The following TEX101 variants were observed in gnomAD, a reference collection of about 807,000 sequenced individuals.
TEX101 encodes testis-expressed protein 101.
A neutral mutation model predicts 18.1 loss-of-function variants in TEX101; 10 were observed. The ratio of observed to expected loss-of-function variants is 0.55; its 90% CI spans 0.34 to 0.94. TEX101 has a LOEUF of 0.94. Ranked by LOEUF, TEX101 falls within the 40% of genes least tolerant of loss-of-function variation. The pLI, the probability that TEX101 is intolerant of heterozygous loss-of-function variation, is 0.02. For synonymous variants in TEX101, 94 were observed against 114.8 expected, an observed-to-expected ratio of 0.82 and a Z score of 1.16; for missense variants, 259 against 298.9, an observed-to-expected ratio of 0.87 and a Z score of 0.98.
chr19:43,395,257 T>G, the TEX101 span, among the ~76,000 whole-genome samples: 2 of 152,282 alleles, frequency 1.3e-5, no homozygotes, highest in East Asian at 1.9e-4. Context: ...AAAAGGAAAT[T>G]TATGCTCTCT....
intron 2 of TEX101, chr19:43,406,124 G>GT (rs1178940830): frequency 5.7e-6 from 1 of 175,126 alleles, no homozygotes; most frequent in Non-Finnish European, 1.1e-5. Context: ...GCTCACGCCT[G>GT]TAATCCTAGC....
At chr19:43,394,750 G>A in the TEX101 span, among the ~76,000 whole-genome samples, 32 of 152,312 alleles carry the variant, frequency 2.1e-4, no homozygotes, top group African/African-American at 7.0e-4. Context: ...GATTACAGGC[G>A]TGAGCCACTG....
At chr19:43,405,652 C>T (rs1487251607) in intron 2 of TEX101, among the ~76,000 whole-genome samples, 4 of 149,976 alleles carry the variant, frequency 2.7e-5, no homozygotes, top group Admixed American at 6.7e-5. Flanking sequence ...AGGTTGGGTG[C>T]GGTGACTCAC....
chr19:43,411,673 C>G (rs1970420708), upstream of TEX101, among the ~76,000 whole-genome samples: 1 of 151,446 alleles, frequency 6.6e-6, no homozygotes, highest in South Asian at 2.1e-4. Flanking sequence ...AGACCAAGAC[C>G]AAGTTTTGCT....
the TEX101 span, among the ~76,000 whole-genome samples, chr19:43,393,140 A>G: frequency 2.2e-5 from 3 of 136,988 alleles, no homozygotes; most frequent in African/African-American, 8.5e-5. Flanking sequence ...ACCCATTGGT[A>G]GAGAGACAAA....
chr19:43,402,583 A>C (rs573621281), intron 1 of TEX101, among the ~76,000 whole-genome samples: 1 of 150,044 alleles, frequency 6.7e-6, no homozygotes, highest in South Asian at 2.1e-4. Flanking sequence ...ACTAAATCTG[A>C]CTTTTTTTTT....
chr19:43,397,411 A>T (rs1438718089), upstream of TEX101, among the ~76,000 whole-genome samples: 3 of 151,966 alleles, frequency 2.0e-5, no homozygotes, highest in African/African-American at 7.3e-5. Flanking sequence ...CAATGCCACC[A>T]TCCATGACCT....
chr19:43,409,694 G>T (rs1230064955), intron 3 of TEX101, among the ~76,000 whole-genome samples: 1 of 151,994 alleles, frequency 6.6e-6, no homozygotes, highest in African/African-American at 2.4e-5. Flanking sequence ...GCTTGAACCT[G>T]GGAGGCGAAG....
intron 3 of TEX101, among the ~76,000 whole-genome samples, chr19:43,406,866 C>G (rs1970368618): frequency 6.6e-6 from 1 of 151,756 alleles, no homozygotes. Flanking sequence ...ACAGGGATAA[C>G]TGATTTGCAG....
At position 43,417,884 on chromosome 19, in the gene TEX101, C is replaced by T; in HGVS notation, c.398C>T (p.Thr133Ile). 2 of 1,614,122 alleles carry T rather than the reference C, an allele frequency of 1.2e-6. No homozygotes were observed. The highest frequency in any genetic ancestry group is 1.3e-5 in the African/African-American group (1 of 75,062). Reference sequence around the variant, plus strand: ...CTCTCTCATTTCCCTCCAGCTTCCACTGTGTCAACAACCCTCCATTGTCCA... The same window carrying T: ...CTCTCTCATTTCCCTCCAGCTTCCATTGTGTCAACAACCCTCCATTGTCCA... Reference protein sequence around the residue: ...FWEFSETTASTVSTTLHCPTC... With the variant: ...FWEFSETTASIVSTTLHCPTC... The change falls in exon 5 of 6, where the codon ACT becomes ATT. Residue 133 changes from threonine (T) to isoleucine (I), a missense_variant. Transcript: ENST00000598265.
At chr19:43,395,774 ATTTCAT>A in the TEX101 span, among the ~76,000 whole-genome samples, 1 of 152,228 alleles carries the variant, frequency 6.6e-6, no homozygotes, top group Non-Finnish European at 1.5e-5. Context: ...GCCGTTGTGC[ATTTCAT>A]GCTGGGGAAA....
At chr19:43,415,731 G>C (rs2122347914) in intron 1 of TEX101, 150 bp from the exon 2 acceptor site, 1 of 678,088 alleles carries the variant, frequency 1.5e-6, no homozygotes, top group East Asian at 2.6e-5. Context: ...CTGCACTCCA[G>C]CCTGGGCGAC....
chr19:43,415,804 G>T, intron 1 of TEX101, 77 bp from the exon 2 acceptor site: 2 of 1,293,164 alleles, frequency 1.5e-6, no homozygotes, highest in Non-Finnish European at 1.1e-6. Flanking sequence ...CCTGAAGTCA[G>T]TACTTGCCAG....
At chr19:43,410,809 T>C (rs1599900817), upstream of TEX101, among the ~76,000 whole-genome samples, 1 of 150,650 alleles carries the variant, frequency 6.6e-6, no homozygotes, top group Non-Finnish European at 1.5e-5. Flanking sequence ...CACACAAACA[T>C]GCATGCACTC....
chr19:43,390,449 TC>T, the TEX101 span, among the ~76,000 whole-genome samples: 22 of 124,810 alleles, frequency 1.8e-4, no homozygotes, highest in African/African-American at 6.7e-4. Context: ...TCTTTTCTTT[TC>T]TTTTTTTTTC....
rs201353716 is a variant in TEX101 at position 43,415,988 on chromosome 19, G to C, written c.64+5G>C. ...TAGGAGCCTCCCTCCTGACCTGTGCGTATGGGGGACATAGGGGAGAGCCGT... is the reference window on the plus strand; with the variant it reads ...TAGGAGCCTCCCTCCTGACCTGTGCCTATGGGGGACATAGGGGAGAGCCGT... On this transcript the variant is annotated splice_donor_5th_base_variant and intron_variant, in intron 2 of 5. Transcript: ENST00000598265. The C allele has an allele frequency of 3.1e-6, 5 of 1,613,736 alleles. No homozygotes were observed. The African/African-American group carries it at 6.7e-5, about 22-fold the overall frequency.
At chr19:43,394,547 T>G in the TEX101 span, among the ~76,000 whole-genome samples, 2 of 151,840 alleles carry the variant, frequency 1.3e-5, no homozygotes, top group Admixed American at 1.3e-4. Flanking sequence ...CTTGGCTCAC[T>G]GCAACCTCTG....
chr19:43,406,825 G>C, intron 3 of TEX101, among the ~76,000 whole-genome samples: 1 of 152,074 alleles, frequency 6.6e-6, no homozygotes, highest in East Asian at 1.9e-4. Flanking sequence ...GACCTTTTGA[G>C]TTTTAAACAA....
At chr19:43,412,003 C>A (rs1020273524), upstream of TEX101, among the ~76,000 whole-genome samples, 23 of 152,128 alleles carry the variant, frequency 1.5e-4, no homozygotes, top group African/African-American at 5.6e-4. Flanking sequence ...TGGAGAGGAA[C>A]AGAAATTGGC....
Sources: gnomAD v4.1 joint callset for allele counts (sites outside exome capture counted in the v4.1 genomes callset) on GRCh38, gnomAD v4.1.1 for gene constraint, MANE v1.5 for transcripts, NCBI Gene and HGNC (gene_info 2026-07-23, HGNC 2026-07-21) for gene names.